The following CLEC4D variants were observed in gnomAD, a reference collection of about 807,000 sequenced individuals.
CLEC4D encodes the protein C-type lectin domain family 4 member D, also known as C-type (calcium dependent, carbohydrate-recognition domain) lectin, superfamily member 8.
In CLEC4D, 21 loss-of-function variants were observed where a neutral mutation model predicts 21.1. The ratio of observed to expected loss-of-function variants is 1.00; its 90% CI spans 0.71 to 1.43. CLEC4D has a LOEUF of 1.43. CLEC4D is among the 40% of genes most tolerant of loss of function. CLEC4D has a pLI of 0.00. For missense variants in CLEC4D, 289 were observed against 260.7 expected (o/e 1.11, Z -0.75); for synonymous variants, 85 against 83.1 (o/e 1.02, Z -0.12).
chr12:8,526,243 G>T (rs1591722076), downstream of CLEC4D, among the ~76,000 whole-genome samples: 3 of 152,290 alleles, frequency 2.0e-5, no homozygotes, highest in East Asian at 3.9e-4. Flanking sequence ...GTGTTGCTAG[G>T]TTGGGGAAGT....
At chr12:8,514,507 A>G (rs960501667) in intron 1 of CLEC4D, among the ~76,000 whole-genome samples, 1 of 152,146 alleles carries the variant, frequency 6.6e-6, no homozygotes, top group Admixed American at 6.5e-5. Flanking sequence ...AATTATTTCT[A>G]TAGAATAGAC....
downstream of CLEC4D, among the ~76,000 whole-genome samples, chr12:8,524,245 T>C (rs982058303): frequency 6.6e-6 from 1 of 152,162 alleles, no homozygotes; most frequent in African/African-American, 2.4e-5. Context: ...TCCTTTTCAA[T>C]TGTTTGGAAT....
Position 8,521,487 on chromosome 12 carries a change from G to T in CLEC4D, c.*216G>T. On this transcript the variant is annotated 3_prime_UTR_variant, in exon 6 of 6. Transcript: ENST00000299665. ...ATAATGTGGTTTTTGTATGGTGTTT[G>T]ATGGAAGGAATAATCTTTCTTTGCT... 2 of 977,970 alleles carry T rather than the reference G, an allele frequency of 2.0e-6. No homozygotes were observed. The highest frequency in any genetic ancestry group is 2.7e-6 in the Non-Finnish European group (2 of 740,240). 60.6% of individuals were successfully genotyped at this position (977,970 alleles called of 1,614,324 possible).
intron 2 of CLEC4D, 150 bp downstream of exon 2, chr12:8,515,478 C>T (rs1253071351): frequency 3.8e-6 from 2 of 527,494 alleles, no homozygotes; most frequent in African/African-American, 1.9e-5. Flanking sequence ...TTCAGAGCTA[C>T]ATTCTTGACC....
rs534304647 is a variant in CLEC4D, at chr12:8,519,265, C to T, written c.384+105C>T. Reference sequence around the variant, plus strand: ...TGCCTCTGTCTGTTTTCATCTGCTCCATCTGCCTGGAAAGCCCTTTCTTCC... The same window carrying T: ...TGCCTCTGTCTGTTTTCATCTGCTCTATCTGCCTGGAAAGCCCTTTCTTCC... On this transcript the variant is annotated intron_variant, in intron 4 of 5. Transcript: ENST00000299665. 581 of 1,408,634 alleles carry T rather than the reference C, an allele frequency of 4.1e-4. 1 individual carries two copies. In the African/African-American group the frequency reaches 7.5e-3, roughly 18 times the overall value. 87.3% of individuals were successfully genotyped at this position (1,408,634 alleles called of 1,614,324 possible).
At chr12:8,530,858 T>C in the CLEC4D span, among the ~76,000 whole-genome samples, 1 of 152,174 alleles carries the variant, frequency 6.6e-6, no homozygotes. Context: ...CAAAATAATA[T>C]TACACTTACA....
downstream of CLEC4D, among the ~76,000 whole-genome samples, chr12:8,526,572 T>C (rs1940506426): frequency 6.6e-6 from 1 of 152,252 alleles, no homozygotes; most frequent in Non-Finnish European, 1.5e-5. Flanking sequence ...GTTATTCTAA[T>C]TAGCAATTCA....
At chr12:8,520,938 G>A (rs1940449892) in intron 5 of CLEC4D, among the ~76,000 whole-genome samples, 186 bp from the exon 6 acceptor site, 1 of 152,138 alleles carries the variant, frequency 6.6e-6, no homozygotes, top group Non-Finnish European at 1.5e-5. Flanking sequence ...TCAATTCAGA[G>A]AAGCCACATT....
intron 1 of CLEC4D, among the ~76,000 whole-genome samples, chr12:8,514,602 C>T (rs1940352030): frequency 6.6e-6 from 1 of 152,032 alleles, no homozygotes; most frequent in Non-Finnish European, 1.5e-5. Flanking sequence ...AAAGGCATTC[C>T]TAATTTTCCA....
At chr12:8,520,614 C>A (rs1940445797) in intron 5 of CLEC4D, among the ~76,000 whole-genome samples, 1 of 152,010 alleles carries the variant, frequency 6.6e-6, no homozygotes, top group African/African-American at 2.4e-5. Flanking sequence ...TTTAAATAAA[C>A]AATATAAGCG....
chr12:8,518,637 GA>G, intron 3 of CLEC4D, among the ~76,000 whole-genome samples: 1 of 152,194 alleles, frequency 6.6e-6, no homozygotes, highest in East Asian at 1.9e-4. Flanking sequence ...TCTCATTTGG[GA>G]GAATGGGGCA....
intron 3 of CLEC4D, 26 bp from the exon 4 acceptor site, chr12:8,518,983 A>G: frequency 6.2e-7 from 1 of 1,609,046 alleles, no homozygotes; most frequent in South Asian, 1.1e-5. Flanking sequence ...TTTTGTTACC[A>G]ATTTCCGTTT....
chr12:8,516,620 G>T (rs1460890875), intron 2 of CLEC4D, among the ~76,000 whole-genome samples: 1 of 152,196 alleles, frequency 6.6e-6, no homozygotes, highest in Non-Finnish European at 1.5e-5. Context: ...ATGATGCCAT[G>T]GAGCAAATGG....
intron 3 of CLEC4D, 62 bp downstream of exon 3, chr12:8,518,336 T>A (rs1255996073): frequency 1.3e-5 from 10 of 760,472 alleles, no homozygotes; most frequent in Admixed American, 1.1e-4. Flanking sequence ...ATAGTCTGAC[T>A]GAAGGAATGT....
the CLEC4D span, among the ~76,000 whole-genome samples, chr12:8,527,968 G>A: frequency 6.6e-6 from 1 of 152,156 alleles, no homozygotes; most frequent in Non-Finnish European, 1.5e-5. Context: ...GCTCTCAGGT[G>A]GGCCGCTGCA....
downstream of CLEC4D, among the ~76,000 whole-genome samples, chr12:8,526,640 A>C (rs1940509596): frequency 6.6e-6 from 1 of 152,158 alleles, no homozygotes; most frequent in African/African-American, 2.4e-5. Flanking sequence ...ATGCTCCTTT[A>C]GCTCATCATA....
chr12:8,513,509 T>A lies in CLEC4D; in HGVS notation c.-224T>A. 9.7e-6 allele frequency: 3 copies of A among 310,048 alleles called. No individual in the cohort carries two copies. Among genetic ancestry groups the A allele is most frequent in the Non-Finnish European group, 1.2e-5 (2 of 170,090 alleles). 19.2% of individuals were successfully genotyped at this position (310,048 alleles called of 1,614,324 possible). On this transcript the variant is annotated 5_prime_UTR_variant, in exon 1 of 6. Coordinates refer to ENST00000299665, the MANE Select transcript of CLEC4D (RefSeq NM_080387.5). The stretch of plus-strand genomic sequence containing the variant: ...TCCTTTTTTTTTTTTTTTCGCCTCA[T>A]CTCCCGGAATGTATCAAAGGAAACC...
intron 1 of CLEC4D, among the ~76,000 whole-genome samples, 174 bp from the exon 2 acceptor site, chr12:8,515,058 CTTAT>C (rs1433604765): frequency 6.6e-6 from 1 of 151,712 alleles, no homozygotes; most frequent in Non-Finnish European, 1.5e-5. Flanking sequence ...ATTTTTCTTT[CTTAT>C]TTATTTATTC....
chr12:8,521,346 C>G lies in CLEC4D; in HGVS notation c.*75C>G, dbSNP rs916480843. ...AGAATAAGGCAGAATGTACGTGCGT[C>G]ATTGGAACACAGAAAACATGCTGGT... On this transcript the variant is annotated 3_prime_UTR_variant, in exon 6 of 6. Transcript: ENST00000299665. The G allele has an allele frequency of 5.3e-6, 8 of 1,522,122 alleles. No individual in the cohort carries two copies. In the East Asian group the frequency reaches 1.8e-4, roughly 35 times the overall value. The allele number at this position is 1,522,122 out of a possible 1,614,324, so 94.3% of individuals were successfully genotyped here.
Sources: allele counts gnomAD v4.1 joint callset (sites outside exome capture counted in the v4.1 genomes callset), GRCh38; gene constraint gnomAD v4.1.1; transcripts MANE v1.5; gene names NCBI Gene and HGNC (gene_info 2026-07-23, HGNC 2026-07-21).